Variants in ST6GALNAC5 observed in about 807,000 individuals in gnomAD.
The protein encoded by ST6GALNAC5 is ST6 N-acetylgalactosaminide alpha-2,6-sialyltransferase 5, also known as alpha-N-acetylgalactosaminide alpha-2,6-sialyltransferase 5.
Under a neutral mutation model 33.6 loss-of-function variants are expected in ST6GALNAC5, and 27 were observed. The ratio of observed to expected loss-of-function variants is 0.80; its 90% CI spans 0.59 to 1.11. The LOEUF (loss-of-function observed/expected upper bound fraction) is 1.11, where lower values mean the gene tolerates loss of function less well. Ranked by LOEUF, ST6GALNAC5 falls within the 50% of genes least tolerant of loss-of-function variation. The pLI is 0.00. For synonymous variants in ST6GALNAC5, 194 were observed against 171.2 expected (o/e 1.13, Z -1.04); for missense variants, 428 against 454.0 (o/e 0.94, Z 0.52).
chr1:76,980,348 T>G (rs1036663189), intron 2 of ST6GALNAC5, among the ~76,000 whole-genome samples: 1 of 152,302 alleles, frequency 6.6e-6, no homozygotes, highest in Middle Eastern at 3.4e-3. Flanking sequence ...TTTTGTTAAT[T>G]TCTCATTTTT....
chr1:76,917,935 G>A (rs1646991916), intron 2 of ST6GALNAC5, among the ~76,000 whole-genome samples: 1 of 152,214 alleles, frequency 6.6e-6, no homozygotes, highest in African/African-American at 2.4e-5. Flanking sequence ...GTCTTCAACT[G>A]ATTGGATGGG....
At chr1:76,971,013 A>G (rs1360837965) in intron 2 of ST6GALNAC5, among the ~76,000 whole-genome samples, 6 of 152,168 alleles carry the variant, frequency 3.9e-5, no homozygotes, top group Admixed American at 6.5e-5. Context: ...AATGACCTCA[A>G]TTATGATAGT....
In ST6GALNAC5 at chr1:77,063,217, T is replaced by A. The variant is rs753673451; in HGVS notation, c.*11T>A. 6.2e-7 allele frequency: 1 copy of A among 1,610,396 alleles called. No homozygotes were observed. Among genetic ancestry groups the A allele is most frequent in the Non-Finnish European group, 8.5e-7 (1 of 1,177,026 alleles). On this transcript the variant is annotated 3_prime_UTR_variant, in exon 5 of 5. Transcript: ENST00000477717. Reference sequence around the variant, plus strand: ...AAACCTGTGTTCTAAGGAATGAGCATGCCAGACTGTAATCCCAGGTATTCA... The same window carrying A: ...AAACCTGTGTTCTAAGGAATGAGCAAGCCAGACTGTAATCCCAGGTATTCA...
chr1:77,002,265 A>C (rs1313263543), intron 2 of ST6GALNAC5, among the ~76,000 whole-genome samples: 2 of 152,126 alleles, frequency 1.3e-5, no homozygotes, highest in Non-Finnish European at 2.9e-5. Context: ...TAGATTTTCT[A>C]GTTTATTTGC....
chr1:76,970,885 T>C (rs1648727600), intron 2 of ST6GALNAC5, among the ~76,000 whole-genome samples: 2 of 152,206 alleles, frequency 1.3e-5, no homozygotes, highest in Non-Finnish European at 1.5e-5. Flanking sequence ...ATGTAATTTG[T>C]AGCACTACAT....
chr1:76,909,819 G>A (rs1006349970), intron 2 of ST6GALNAC5, among the ~76,000 whole-genome samples: 2 of 152,060 alleles, frequency 1.3e-5, no homozygotes, highest in African/African-American at 4.8e-5. Context: ...GATATATACA[G>A]TTGGAGAAAA....
chr1:76,972,507 A>G (rs1648803410), intron 2 of ST6GALNAC5, among the ~76,000 whole-genome samples: 1 of 152,184 alleles, frequency 6.6e-6, no homozygotes, highest in Admixed American at 6.5e-5. Flanking sequence ...ATAGCTACAC[A>G]TAGAAAAATC....
chr1:76,876,570 C>T (rs562855441), intron 2 of ST6GALNAC5, among the ~76,000 whole-genome samples: 5 of 152,322 alleles, frequency 3.3e-5, no homozygotes, highest in Non-Finnish European at 7.4e-5. Context: ...CACCAATTTT[C>T]CAGTCGTGCT....
intron 2 of ST6GALNAC5, among the ~76,000 whole-genome samples, chr1:76,981,207 T>G (rs1649237957): frequency 6.6e-6 from 1 of 152,084 alleles, no homozygotes; most frequent in Non-Finnish European, 1.5e-5. Context: ...CAGGGAAGCA[T>G]GAGGGGTCGG....
chr1:76,908,912 A>G (rs1377678759), intron 2 of ST6GALNAC5, among the ~76,000 whole-genome samples: 1 of 152,200 alleles, frequency 6.6e-6, no homozygotes, highest in African/African-American at 2.4e-5. Context: ...GCTCTAAGAA[A>G]TTGAAGTTTT....
chr1:76,948,390 G>T (rs1647606688), intron 2 of ST6GALNAC5, among the ~76,000 whole-genome samples: 2 of 152,144 alleles, frequency 1.3e-5, no homozygotes, highest in South Asian at 4.1e-4. Flanking sequence ...TCAGGGCTGT[G>T]CTGTGGGCCC....
intron 2 of ST6GALNAC5, among the ~76,000 whole-genome samples, chr1:76,894,266 G>T (rs1253135910): frequency 6.6e-6 from 1 of 152,160 alleles, no homozygotes; most frequent in Non-Finnish European, 1.5e-5. Context: ...CTTTGGAGCT[G>T]CATGAATTGA....
intron 3 of ST6GALNAC5, among the ~76,000 whole-genome samples, chr1:77,044,959 G>T (rs1006389257): frequency 2.0e-5 from 3 of 152,112 alleles, no homozygotes; most frequent in Non-Finnish European, 4.4e-5. Flanking sequence ...AAGTATATGG[G>T]TTTATTTTTT....
chr1:76,929,531 C>G (rs1647117398), intron 2 of ST6GALNAC5, among the ~76,000 whole-genome samples: 1 of 151,990 alleles, frequency 6.6e-6, no homozygotes, highest in Non-Finnish European at 1.5e-5. Flanking sequence ...AAAGTGAGAC[C>G]CCATCTCTAA....
intron 2 of ST6GALNAC5, among the ~76,000 whole-genome samples, chr1:76,875,145 C>T (rs900183825): frequency 1.3e-5 from 2 of 152,178 alleles, no homozygotes; most frequent in African/African-American, 4.8e-5. Flanking sequence ...TTACAGTCCT[C>T]GTTTCTGCAG....
chr1:76,981,565 C>T (rs1021606063), intron 2 of ST6GALNAC5, among the ~76,000 whole-genome samples: 1 of 152,216 alleles, frequency 6.6e-6, no homozygotes, highest in Non-Finnish European at 1.5e-5. Flanking sequence ...CAGGGCATAG[C>T]TGAATAAAAG....
chr1:77,043,623 G>A (rs1651905602), intron 2 of ST6GALNAC5, among the ~76,000 whole-genome samples: 1 of 152,196 alleles, frequency 6.6e-6, no homozygotes. Flanking sequence ...TTTCCCATAT[G>A]ATGCTTAGAT....
At chr1:76,983,781 T>G (rs1649362132) in intron 2 of ST6GALNAC5, among the ~76,000 whole-genome samples, 1 of 152,130 alleles carries the variant, frequency 6.6e-6, no homozygotes, top group Admixed American at 6.6e-5. Flanking sequence ...CCTCAGCAAA[T>G]GTAAAAGAAC....
chr1:76,914,521 C>G (rs1207230118), intron 2 of ST6GALNAC5, among the ~76,000 whole-genome samples: 1 of 152,124 alleles, frequency 6.6e-6, no homozygotes, highest in Non-Finnish European at 1.5e-5. Flanking sequence ...CAACAGAGCC[C>G]TCAGAAATAA....
Sources: gnomAD v4.1 joint callset for allele counts (sites outside exome capture counted in the v4.1 genomes callset) on GRCh38, gnomAD v4.1.1 for gene constraint, MANE v1.5 for transcripts, NCBI Gene and HGNC (gene_info 2026-07-23, HGNC 2026-07-21) for gene names.